ENOX1: variants seen among roughly 807,000 people sequenced by gnomAD.
The protein encoded by ENOX1 is candidate growth-related and time keeping constitutive hydroquinone (NADH) oxidase.
In ENOX1, 42 loss-of-function variants were observed where a neutral mutation model predicts 82.5. The ratio of observed to expected loss-of-function variants is 0.51; its 90% CI spans 0.40 to 0.66. The LOEUF is 0.66. Among genes scored for constraint, ENOX1 ranks in the 30% least tolerant of loss-of-function variants. ENOX1 has a pLI of 0.00. For synonymous variants in ENOX1, 271 were observed against 282.2 expected (o/e 0.96, Z 0.40); for missense variants, 608 against 811.6 (o/e 0.75, Z 3.05).
At chr13:43,280,909 T>A (rs888523494) in intron 12 of ENOX1, among the ~76,000 whole-genome samples, 3 of 152,144 alleles carry the variant, frequency 2.0e-5, no homozygotes, top group African/African-American at 7.2e-5. Context: ...CTAAGGGAAG[T>A]GAGAGGGAGA....
At chr13:43,716,439 G>A (rs1019860710) in intron 1 of ENOX1, among the ~76,000 whole-genome samples, 6 of 152,248 alleles carry the variant, frequency 3.9e-5, no homozygotes, top group South Asian at 2.1e-4. Context: ...GCTGTAGACC[G>A]GAGATCTTCC....
At chr13:43,420,753 A>T (rs770960278) in intron 3 of ENOX1, among the ~76,000 whole-genome samples, 3 of 152,168 alleles carry the variant, frequency 2.0e-5, no homozygotes, top group African/African-American at 7.2e-5. Flanking sequence ...ATGTCAGCTA[A>T]ATCTGTTACT....
At chr13:43,355,791 C>G (rs922500890) in intron 8 of ENOX1, 128 bp downstream of exon 8, 1 of 981,342 alleles carries the variant, frequency 1.0e-6, no homozygotes, top group South Asian at 1.6e-5. Flanking sequence ...ACACCAGACT[C>G]TTACAGCCTT....
intron 9 of ENOX1, among the ~76,000 whole-genome samples, chr13:43,337,548 G>A (rs1300540827): frequency 1.3e-5 from 2 of 152,032 alleles, no homozygotes; most frequent in African/African-American, 2.4e-5. Context: ...ACTTGGAGGA[G>A]GGGAAATAGT....
intron 1 of ENOX1, among the ~76,000 whole-genome samples, chr13:43,678,439 G>A (rs2085621764): frequency 6.6e-6 from 1 of 152,122 alleles, no homozygotes; most frequent in Non-Finnish European, 1.5e-5. Context: ...TCCTTGTAGA[G>A]TCTGGCATAA....
intron 5 of ENOX1, among the ~76,000 whole-genome samples, chr13:43,390,934 T>A (rs2052734540): frequency 6.6e-6 from 1 of 152,220 alleles, no homozygotes. Context: ...CATTACTATC[T>A]GAAGGCACTG....
At chr13:43,214,203 C>A in intron 16 of ENOX1, 82 bp from the exon 17 acceptor site, 1 of 1,449,366 alleles carries the variant, frequency 6.9e-7, no homozygotes, top group Non-Finnish European at 9.5e-7. Flanking sequence ...TGAGCTTTCC[C>A]AGTGATATGA....
At chr13:43,410,951 T>G (rs1005756576) in intron 5 of ENOX1, among the ~76,000 whole-genome samples, 1 of 152,228 alleles carries the variant, frequency 6.6e-6, no homozygotes, top group East Asian at 1.9e-4. Flanking sequence ...TCTTGTTTAC[T>G]GCGGGAGCCC....
chr13:43,271,492 T>C (rs1038241983), intron 12 of ENOX1, among the ~76,000 whole-genome samples: 1 of 152,158 alleles, frequency 6.6e-6, no homozygotes, highest in Non-Finnish European at 1.5e-5. Context: ...CTGTAACACA[T>C]ACTGCTTTAG....
At chr13:43,755,698 G>A (rs1433713148) in intron 1 of ENOX1, among the ~76,000 whole-genome samples, 3 of 152,086 alleles carry the variant, frequency 2.0e-5, no homozygotes, top group African/African-American at 7.2e-5. Context: ...TTTCTCCTCT[G>A]TTAAAACATT....
intron 1 of ENOX1, among the ~76,000 whole-genome samples, chr13:43,782,537 C>T (rs1952337888): frequency 6.6e-6 from 1 of 152,160 alleles, no homozygotes; most frequent in Admixed American, 6.5e-5. Flanking sequence ...TTCCCCTCTA[C>T]AAATCTACTA....
chr13:43,347,384 C>G (rs2049459292), intron 8 of ENOX1, among the ~76,000 whole-genome samples: 1 of 152,142 alleles, frequency 6.6e-6, no homozygotes, highest in Non-Finnish European at 1.5e-5. Flanking sequence ...CAAAGACTCC[C>G]AATTTCATCT....
chr13:43,379,969 T>C (rs1225586809), intron 5 of ENOX1, among the ~76,000 whole-genome samples: 1 of 151,970 alleles, frequency 6.6e-6, no homozygotes, highest in Non-Finnish European at 1.5e-5. Flanking sequence ...GTATATTTCT[T>C]GTTGGAAACA....
At chr13:43,382,785 T>C (rs913698547) in intron 5 of ENOX1, among the ~76,000 whole-genome samples, 3 of 152,186 alleles carry the variant, frequency 2.0e-5, no homozygotes, top group African/African-American at 7.2e-5. Flanking sequence ...ATTTATTGTA[T>C]GTCAATTCAT....
chr13:43,533,079 C>G (rs997227260), intron 2 of ENOX1, among the ~76,000 whole-genome samples: 2 of 151,956 alleles, frequency 1.3e-5, no homozygotes, highest in Non-Finnish European at 2.9e-5. Flanking sequence ...CATGGACATG[C>G]CTTAATTTAT....
At chr13:43,284,969 A>G (rs1435342629) in intron 12 of ENOX1, among the ~76,000 whole-genome samples, 1 of 152,138 alleles carries the variant, frequency 6.6e-6, no homozygotes, top group African/African-American at 2.4e-5. Context: ...GAAGAAACAG[A>G]AAGTACAAAA....
chr13:43,276,942 C>T (rs1163505169), intron 12 of ENOX1, among the ~76,000 whole-genome samples: 1 of 152,174 alleles, frequency 6.6e-6, no homozygotes, highest in Non-Finnish European at 1.5e-5. Context: ...GGGGATGAAA[C>T]TGCACTCAAT....
intron 3 of ENOX1, among the ~76,000 whole-genome samples, chr13:43,437,870 C>T (rs1354329919): frequency 6.6e-6 from 1 of 152,088 alleles, no homozygotes; most frequent in Non-Finnish European, 1.5e-5. Context: ...TGCATTAAAA[C>T]GCAGGTTAAC....
intron 1 of ENOX1, among the ~76,000 whole-genome samples, chr13:43,756,585 C>T (rs1452280074): frequency 6.6e-6 from 1 of 151,802 alleles, no homozygotes; most frequent in East Asian, 1.9e-4. Context: ...AGATGCAACA[C>T]ACCACTGGCC....
Sources: allele counts gnomAD v4.1 joint callset (sites outside exome capture counted in the v4.1 genomes callset), GRCh38; gene constraint gnomAD v4.1.1; transcripts MANE v1.5; gene names NCBI Gene and HGNC (gene_info 2026-07-23, HGNC 2026-07-21).